DNAJC1: variants seen among roughly 807,000 people sequenced by gnomAD.
DNAJC1 encodes DnaJ heat shock protein family (Hsp40) member C1, also known as dnaJ homolog subfamily C member 1.
Under a neutral mutation model 76.6 loss-of-function variants are expected in DNAJC1, and 58 were observed. The observed-to-expected ratio is 0.76, with a 90% CI of 0.61 to 0.94. The LOEUF (loss-of-function observed/expected upper bound fraction) is 0.94. Ranked by LOEUF, DNAJC1 falls within the 40% of genes least tolerant of loss-of-function variation. The pLI, the probability that DNAJC1 is intolerant of heterozygous loss-of-function variation, is 0.00. For synonymous variants in DNAJC1, 258 were observed against 267.9 expected (o/e 0.96, Z 0.36); for missense variants, 689 against 677.3 (o/e 1.02, Z -0.19).
At chr10:21,964,194 A>G (rs1407919743) in intron 1 of DNAJC1, among the ~76,000 whole-genome samples, 2 of 152,166 alleles carry the variant, frequency 1.3e-5, no homozygotes, top group Non-Finnish European at 2.9e-5. Context: ...AACATATACC[A>G]TTGCTACCCC....
chr10:21,893,188 A>G (rs971427923), intron 7 of DNAJC1, among the ~76,000 whole-genome samples: 2 of 151,274 alleles, frequency 1.3e-5, no homozygotes, highest in African/African-American at 4.9e-5. Flanking sequence ...CCTAATGAAA[A>G]GGGAATTAAA....
chr10:21,785,065 GA>G lies in DNAJC1; in HGVS notation c.1099-18757del, dbSNP rs1009353389. Among the ~76,000 whole-genome samples the G allele has an allele frequency of 6.6e-5, 10 of 151,766 alleles. No homozygotes were observed. The East Asian group carries it at 1.2e-3, about 18-fold the overall frequency. On this transcript the variant is annotated intron_variant, in intron 9 of 11. Coordinates refer to ENST00000376980, the MANE Select transcript of DNAJC1 (RefSeq NM_022365.4). ...TAAAATATAATAATAAAAGAAAAAAGAAAAAAAATCAGCTTCTTGCTTTAAA... is the reference window on the plus strand; with the variant it reads ...TAAAATATAATAATAAAAGAAAAAAGAAAAAAATCAGCTTCTTGCTTTAAA...
chr10:21,796,996 G>A (rs1023872737), intron 9 of DNAJC1, among the ~76,000 whole-genome samples: 3 of 151,922 alleles, frequency 2.0e-5, no homozygotes, highest in Non-Finnish European at 4.4e-5. Flanking sequence ...TGTGTTTTTG[G>A]TGTTATAATC....
chr10:21,761,329 CA>C (rs1160139713), intron 10 of DNAJC1, among the ~76,000 whole-genome samples: 1 of 152,138 alleles, frequency 6.6e-6, no homozygotes, highest in Non-Finnish European at 1.5e-5. Context: ...GAGGCCAAGG[CA>C]GGGGGGATCC....
chr10:21,963,909 A>G (rs761506830), intron 1 of DNAJC1, among the ~76,000 whole-genome samples: 8 of 151,896 alleles, frequency 5.3e-5, no homozygotes, highest in Non-Finnish European at 1.2e-4. Context: ...TATTTATTTT[A>G]GAATGAGTGT....
At chr10:21,929,265 A>G (rs1837181667) in intron 1 of DNAJC1, 124 bp from the exon 2 acceptor site, 1 of 637,062 alleles carries the variant, frequency 1.6e-6, no homozygotes, top group Non-Finnish European at 2.7e-6. Flanking sequence ...ATGTAATTTG[A>G]GCAATCAGTC....
At chr10:21,953,826 AAAAAAAAAAAAAAAAAAAAGAAGAGG>A (rs1837637096) in intron 1 of DNAJC1, among the ~76,000 whole-genome samples, 2 of 149,208 alleles carry the variant, frequency 1.3e-5, no homozygotes, top group Admixed American at 1.3e-4. Flanking sequence ...AACTTTAAAA[AAAAAAAAAAAAAAAAAAAAGAAGAGG>A]AAAAAAAAAA....
chr10:21,909,633 A>G (rs1156556485), intron 6 of DNAJC1, among the ~76,000 whole-genome samples: 2 of 152,210 alleles, frequency 1.3e-5, no homozygotes, highest in Non-Finnish European at 2.9e-5. Context: ...CTGTTTCCCT[A>G]TATTCCGCTG....
At chr10:21,860,052 G>C (rs1197706849) in intron 8 of DNAJC1, among the ~76,000 whole-genome samples, 1 of 151,886 alleles carries the variant, frequency 6.6e-6, no homozygotes, top group African/African-American at 2.4e-5. Flanking sequence ...CAAAGTGCTA[G>C]GATTACAGGC....
At chr10:21,760,068 C>T (rs1312832525) in intron 10 of DNAJC1, among the ~76,000 whole-genome samples, 1 of 152,168 alleles carries the variant, frequency 6.6e-6, no homozygotes, top group Non-Finnish European at 1.5e-5. Flanking sequence ...AAATTATACA[C>T]TTACAAATAG....
At chr10:21,865,893 GGGAAGCCAAGGTGGAT>G (rs1187541803) in intron 8 of DNAJC1, 33 of 152,164 alleles carry the variant, frequency 2.2e-4, no homozygotes, top group African/African-American at 8.0e-4. Flanking sequence ...CCAACACTTT[GGGAAGCCAAGGTGGAT>G]GGATCACCTG....
intron 1 of DNAJC1, among the ~76,000 whole-genome samples, chr10:21,932,882 G>C (rs1837251086): frequency 6.6e-6 from 1 of 152,214 alleles, no homozygotes; most frequent in African/African-American, 2.4e-5. Flanking sequence ...TTACAGGCAT[G>C]AGCCACCATG....
chr10:21,890,408 A>G (rs966054704), intron 7 of DNAJC1, among the ~76,000 whole-genome samples: 1 of 146,060 alleles, frequency 6.8e-6, no homozygotes, highest in Non-Finnish European at 1.5e-5. Context: ...GTGAGACTCC[A>G]TATCCCCCCC....
intron 7 of DNAJC1, 146 bp from the exon 8 acceptor site, chr10:21,882,585 C>T (rs983160128): frequency 1.3e-4 from 77 of 573,428 alleles, no homozygotes; most frequent in Non-Finnish European, 2.0e-4. Flanking sequence ...TTTTATTGTA[C>T]ATAAACCATT....
intron 9 of DNAJC1, among the ~76,000 whole-genome samples, chr10:21,790,580 C>A (rs1589981631): frequency 6.7e-6 from 1 of 149,666 alleles, no homozygotes; most frequent in East Asian, 1.9e-4. Flanking sequence ...GAAAGAAAAT[C>A]TTTCCCAGAC....
chr10:21,798,395 C>T (rs1176407163), intron 9 of DNAJC1, among the ~76,000 whole-genome samples: 1 of 152,174 alleles, frequency 6.6e-6, no homozygotes, highest in Non-Finnish European at 1.5e-5. Flanking sequence ...AAATTTCCAC[C>T]TTGGCCAAAA....
chr10:21,820,852 T>C (rs1346675371), intron 8 of DNAJC1, among the ~76,000 whole-genome samples: 1 of 152,052 alleles, frequency 6.6e-6, no homozygotes, highest in Non-Finnish European at 1.5e-5. Context: ...TGAAAAGACG[T>C]TTAGAGTGAG....
intron 1 of DNAJC1, among the ~76,000 whole-genome samples, chr10:21,993,416 A>T (rs1159682209): frequency 6.6e-6 from 1 of 152,230 alleles, no homozygotes; most frequent in African/African-American, 2.4e-5. Context: ...CTATCTCAGC[A>T]TGCTTGCAGC....
chr10:21,825,538 G>A (rs1200668096), intron 8 of DNAJC1, among the ~76,000 whole-genome samples: 4 of 152,160 alleles, frequency 2.6e-5, no homozygotes, highest in Admixed American at 6.5e-5. Flanking sequence ...TCCTTTGAGT[G>A]TACACCTATG....
Sources: gnomAD v4.1 joint callset for allele counts (sites outside exome capture counted in the v4.1 genomes callset) on GRCh38, gnomAD v4.1.1 for gene constraint, MANE v1.5 for transcripts, NCBI Gene and HGNC (gene_info 2026-07-23, HGNC 2026-07-21) for gene names.